The following FAM168A variants were observed in gnomAD, a reference collection of about 807,000 sequenced individuals.
FAM168A encodes family with sequence similarity 168 member A.
Under a neutral mutation model 28.5 loss-of-function variants are expected in FAM168A, and 3 were observed. The observed-to-expected ratio is 0.11, with a 90% confidence interval of 0.05 to 0.27. The LOEUF is 0.27. Among genes scored for constraint, FAM168A ranks in the 10% least tolerant of loss-of-function variants. The pLI is 1.00. For missense variants in FAM168A, 222 were observed against 311.5 expected (o/e 0.71, Z 2.16); for synonymous variants, 122 against 124.2 (o/e 0.98, Z 0.12).
At chr11:73,528,035 T>C (rs2134660435) in intron 1 of FAM168A, among the ~76,000 whole-genome samples, 1 of 152,304 alleles carries the variant, frequency 6.6e-6, no homozygotes, top group East Asian at 1.9e-4. Context: ...CACACCTTCA[T>C]GTCAGCCAGT....
At chr11:73,516,673 C>A (rs1565279746) in intron 1 of FAM168A, among the ~76,000 whole-genome samples, 1 of 152,142 alleles carries the variant, frequency 6.6e-6, no homozygotes, top group Non-Finnish European at 1.5e-5. Flanking sequence ...CCATGTCCAC[C>A]TCTTCTCATA....
intron 1 of FAM168A, among the ~76,000 whole-genome samples, chr11:73,515,764 A>G (rs1040826995): frequency 6.6e-6 from 1 of 152,160 alleles, no homozygotes; most frequent in Non-Finnish European, 1.5e-5. Flanking sequence ...TTCTCACAGG[A>G]CAAGTATCAT....
chr11:73,506,363 G>A (rs116849718), intron 1 of FAM168A, among the ~76,000 whole-genome samples: 2 of 151,508 alleles, frequency 1.3e-5, no homozygotes, highest in South Asian at 2.1e-4. Context: ...GGCGCAATCA[G>A]TTAGCACATG....
chr11:73,493,459 C>G (rs905807331), intron 1 of FAM168A, among the ~76,000 whole-genome samples: 1 of 152,208 alleles, frequency 6.6e-6, no homozygotes, highest in Non-Finnish European at 1.5e-5. Flanking sequence ...CTCACCCAAG[C>G]TGGACAGCAG....
chr11:73,552,467 TA>T (rs940697325), intron 1 of FAM168A, among the ~76,000 whole-genome samples: 50 of 152,362 alleles, frequency 3.3e-4, no homozygotes, highest in African/African-American at 1.2e-3. Flanking sequence ...GTAAAGGCTT[TA>T]TAACAGTGCC....
rs187584303 is a variant in FAM168A, at chr11:73,445,721, T to C, written c.71-14951A>G. 5.9e-5 allele frequency among the ~76,000 whole-genome samples: 9 copies of C among 152,274 alleles called. No individual in the cohort carries two copies. The East Asian group carries it at 1.7e-3, about 29-fold the overall frequency. On this transcript the variant is annotated intron_variant, in intron 2 of 7. Transcript: ENST00000356467. ...AAATAAAGTGAAATGGAACATGTCT[T>C]AGGTCAATGATCTCTAGAAAATACT...
chr11:73,577,544 G>C (rs1164617281), intron 1 of FAM168A, among the ~76,000 whole-genome samples: 1 of 152,318 alleles, frequency 6.6e-6, no homozygotes, highest in Non-Finnish European at 1.5e-5. Flanking sequence ...AGTCATGGGA[G>C]GATGCAGATG....
intron 1 of FAM168A, among the ~76,000 whole-genome samples, chr11:73,597,568 T>C (rs969644950): frequency 8.0e-5 from 12 of 149,920 alleles, no homozygotes; most frequent in African/African-American, 2.5e-4. Context: ...CCTCATTCAG[T>C]CCCCTCCCCC....
intron 3 of FAM168A, among the ~76,000 whole-genome samples, chr11:73,422,192 A>G (rs1051076621): frequency 1.3e-5 from 2 of 152,192 alleles, no homozygotes; most frequent in East Asian, 1.9e-4. Flanking sequence ...AGCATGATAC[A>G]TAGTAAAATA....
chr11:73,541,372 CT>C (rs1227186087), intron 1 of FAM168A, among the ~76,000 whole-genome samples: 1,581 of 142,662 alleles, frequency 0.011, 17 homozygotes, highest in African/African-American at 0.033. Context: ...GCCTAAACTT[CT>C]TTTTTTTTTT....
At chr11:73,417,633 C>T (rs2134491704) in intron 4 of FAM168A, among the ~76,000 whole-genome samples, 1 of 149,336 alleles carries the variant, frequency 6.7e-6, no homozygotes, top group Non-Finnish European at 1.5e-5. Flanking sequence ...AATCTCGGCT[C>T]ACTGCCAGCT....
chr11:73,473,594 G>C (rs570470435), intron 1 of FAM168A, among the ~76,000 whole-genome samples: 2 of 152,184 alleles, frequency 1.3e-5, no homozygotes, highest in South Asian at 4.2e-4. Context: ...TGACTTCCTT[G>C]TTGTTCCCTG....
intron 1 of FAM168A, among the ~76,000 whole-genome samples, chr11:73,488,751 T>C (rs1000629436): frequency 6.6e-6 from 1 of 152,158 alleles, no homozygotes; most frequent in African/African-American, 2.4e-5. Context: ...CACCCCTCTT[T>C]CTTGAGCATT....
intron 1 of FAM168A, among the ~76,000 whole-genome samples, chr11:73,576,038 G>A (rs900531457): frequency 2.6e-5 from 4 of 152,070 alleles, no homozygotes; most frequent in Admixed American, 6.6e-5. Context: ...TTGGTGTCAT[G>A]GAAAACAAAT....
In FAM168A at chr11:73,445,419, C is replaced by CTTTTTTTTTTTTTTTTTTTTTTTTTTTTT. The variant is rs56294455; in HGVS notation, c.71-14678_71-14650dup. ...CCAGTAGATATATGTAAAAATGTCT[C>CTTTTTTTTTTTTTTTTTTTTTTTTTTTTT]TTTTTTTTTTTTTTTTTTTTTTTTT... is the stretch of plus-strand genomic sequence containing the variant. On this transcript the variant is annotated intron_variant, in intron 2 of 7. Coordinates refer to ENST00000356467, the MANE Select transcript of FAM168A (RefSeq NM_015159.3). Among the ~76,000 whole-genome samples the CTTTTTTTTTTTTTTTTTTTTTTTTTTTTT allele has an allele frequency of 9.9e-5, 5 of 50,432 alleles. 1 individual carries two copies. Among genetic ancestry groups the CTTTTTTTTTTTTTTTTTTTTTTTTTTTTT allele is most frequent in the African/African-American group, 3.6e-4 (5 of 14,012 alleles). The allele number at this position is 50,432 out of a possible 152,430, so 33.1% of individuals were successfully genotyped here. A position where few individuals can be genotyped will look rare whatever the true frequency, so the allele number is the denominator to read the frequency against.
chr11:73,430,906 T>A (rs1215406366), intron 2 of FAM168A, 136 bp from the exon 3 acceptor site: 1 of 620,452 alleles, frequency 1.6e-6, no homozygotes, highest in African/African-American at 1.9e-5. Flanking sequence ...CTCCATGGGC[T>A]ATTCCAGATA....
intron 2 of FAM168A, among the ~76,000 whole-genome samples, chr11:73,467,742 C>T (rs182226483): frequency 2.0e-5 from 3 of 152,260 alleles, no homozygotes; most frequent in Non-Finnish European, 2.9e-5. Context: ...TGCTGGAACA[C>T]TCTGAACTGG....
chr11:73,480,862 T>A (rs539255987), intron 1 of FAM168A, among the ~76,000 whole-genome samples: 1 of 152,238 alleles, frequency 6.6e-6, no homozygotes, highest in East Asian at 1.9e-4. Context: ...ACAATCCAGA[T>A]GTATTATCTA....
intron 2 of FAM168A, among the ~76,000 whole-genome samples, chr11:73,462,279 A>G (rs1401177200): frequency 6.6e-6 from 1 of 152,250 alleles, no homozygotes; most frequent in African/African-American, 2.4e-5. Flanking sequence ...CAGCCTAAAA[A>G]GGAAGGAAAT....
Sources: gnomAD v4.1 joint callset for allele counts (sites outside exome capture counted in the v4.1 genomes callset) on GRCh38, gnomAD v4.1.1 for gene constraint, MANE v1.5 for transcripts, NCBI Gene and HGNC (gene_info 2026-07-23, HGNC 2026-07-21) for gene names.